ZBTB20: variants seen among roughly 807,000 people sequenced by gnomAD.
The protein encoded by ZBTB20 is zinc finger and BTB domain containing 20.
Under a neutral mutation model 56.9 loss-of-function variants are expected in ZBTB20, and 9 were observed. The ratio of observed to expected loss-of-function variants is 0.16; its 90% CI spans 0.10 to 0.28. The LOEUF (loss-of-function observed/expected upper bound fraction) is 0.28. Ranked by LOEUF, ZBTB20 falls within the 10% of genes least tolerant of loss-of-function variation. The pLI is 1.00. For missense variants in ZBTB20, 655 were observed against 1,003.0 expected (o/e 0.65, Z 4.69); for synonymous variants, 417 against 420.7 (o/e 0.99, Z 0.11).
rs766843554 is a variant in ZBTB20, at chr3:114,316,438, C to T, written c.*22567G>A. 4.3e-6 allele frequency: 2 copies of T among 468,968 alleles called. No homozygotes were observed. The highest frequency in any genetic ancestry group is 2.0e-5 in the African/African-American group (1 of 49,312). The allele number at this position is 468,968 out of a possible 1,614,324, so 29.1% of individuals were successfully genotyped here. On this transcript the variant is annotated 3_prime_UTR_variant, in exon 12 of 12. Coordinates refer to ENST00000675478, the MANE Select transcript of ZBTB20 (RefSeq NM_001348800.3). ...AATGAGCATCTGGATTTGTAATGAG[C>T]ATCTGATTTTGTTATGTGCATGTGT...
chr3:114,994,494 A>G (rs2078948310), intron 2 of ZBTB20, among the ~76,000 whole-genome samples: 1 of 151,974 alleles, frequency 6.6e-6, no homozygotes, highest in African/African-American at 2.4e-5. Context: ...ACTTAGCTTA[A>G]AAGTATGTAA....
chr3:114,616,637 A>G (rs1441823438), intron 6 of ZBTB20, among the ~76,000 whole-genome samples: 1 of 152,184 alleles, frequency 6.6e-6, no homozygotes. Context: ...ATTTTTCCTG[A>G]GAAATGTCCA....
intron 4 of ZBTB20, among the ~76,000 whole-genome samples, chr3:114,832,587 T>G (rs1213248361): frequency 1.3e-5 from 2 of 152,132 alleles, no homozygotes; most frequent in African/African-American, 2.4e-5. Flanking sequence ...CAATGCATTA[T>G]TCTATAAATA....
chr3:115,040,319 C>T (rs1056231232), intron 2 of ZBTB20, among the ~76,000 whole-genome samples: 5 of 151,956 alleles, frequency 3.3e-5, no homozygotes, highest in Admixed American at 6.6e-5. Context: ...AGTAGACACC[C>T]AAAAATAATC....
At chr3:115,068,908 G>A (rs2108504054) in intron 2 of ZBTB20, among the ~76,000 whole-genome samples, 1 of 151,594 alleles carries the variant, frequency 6.6e-6, no homozygotes, top group East Asian at 1.9e-4. Context: ...CAGTTTGATA[G>A]TGCATTCATT....
rs72958292 is a variant in ZBTB20 at position 114,921,048 on chromosome 3, C to T, written c.-455-20706G>A. On this transcript the variant is annotated intron_variant, in intron 3 of 11. Transcript: ENST00000675478. ...AGACTGCATCATAAATAATAAAATT[C>T]GGAACAGATTAATAGCAAGTAAGGA... Among the ~76,000 whole-genome samples the T allele has an allele frequency of 4.5e-3, 691 of 152,122 alleles. 8 individuals are homozygous for T. The highest frequency in any genetic ancestry group is 0.016 in the African/African-American group (666 of 41,478).
chr3:114,738,922 C>G lies in ZBTB20; in HGVS notation c.-342-45347G>C, dbSNP rs191122868. The stretch of plus-strand genomic sequence containing the variant: ...CAGTACTGTCCATAACCAGAAACCA[C>G]ATAAGCTGGATGCTAGACTATTGAC... On this transcript the variant is annotated intron_variant, in intron 5 of 11. Transcript: ENST00000675478. Among the ~76,000 whole-genome samples the G allele has an allele frequency of 8.1e-3, 1,234 of 152,270 alleles. 18 individuals carry two copies. Among genetic ancestry groups the G allele is most frequent in the South Asian group, 0.012 (57 of 4,826 alleles).
intron 1 of ZBTB20, among the ~76,000 whole-genome samples, chr3:115,133,212 A>G (rs1235091477): frequency 6.6e-6 from 1 of 152,136 alleles, no homozygotes; most frequent in African/African-American, 2.4e-5. Context: ...TCTTAGGTCA[A>G]TTTTTATCAT....
At chr3:114,613,591 A>G (rs2057713664) in intron 6 of ZBTB20, among the ~76,000 whole-genome samples, 2 of 152,150 alleles carry the variant, frequency 1.3e-5, no homozygotes, top group Admixed American at 6.5e-5. Context: ...AAGTGATCAT[A>G]TATCAGCTAC....
intron 5 of ZBTB20, among the ~76,000 whole-genome samples, chr3:114,764,462 G>A (rs1316787204): frequency 2.0e-5 from 3 of 152,114 alleles, no homozygotes; most frequent in Non-Finnish European, 1.5e-5. Flanking sequence ...AGCAGCTTGG[G>A]GTGCAGGCCC....
At chr3:114,632,249 C>T (rs1350107471) in intron 6 of ZBTB20, among the ~76,000 whole-genome samples, 1 of 152,224 alleles carries the variant, frequency 6.6e-6, no homozygotes, top group Non-Finnish European at 1.5e-5. Flanking sequence ...TCTCTGCCAG[C>T]TGCAGGTGGT....
rs1489044245 is a variant in ZBTB20, at chr3:114,333,960, A to G, written c.*5045T>C. On this transcript the variant is annotated 3_prime_UTR_variant, in exon 12 of 12. Coordinates refer to ENST00000675478, the MANE Select transcript of ZBTB20 (RefSeq NM_001348800.3). ...CTTCAACTCATTACCAAATTAAAGA[A>G]TTCTTTTAGAAGATTTCTTTTAAGA... is the stretch of plus-strand genomic sequence containing the variant. 6.6e-6 allele frequency: 1 copy of G among 152,160 alleles called. No homozygotes were observed. The highest frequency in any genetic ancestry group is 1.9e-4 in the East Asian group (1 of 5,200). The allele number at this position is 152,160 out of a possible 1,614,324, so 9.4% of individuals were successfully genotyped here. A position where few individuals can be genotyped will look rare whatever the true frequency, so the allele number is the denominator to read the frequency against.
chr3:114,984,480 AG>A (rs1285979329), intron 2 of ZBTB20, among the ~76,000 whole-genome samples: 1 of 151,970 alleles, frequency 6.6e-6, no homozygotes, highest in Non-Finnish European at 1.5e-5. Context: ...CTGCTCCATC[AG>A]GATGCACAAC....
intron 3 of ZBTB20, among the ~76,000 whole-genome samples, chr3:114,943,670 C>T (rs1428669217): frequency 6.9e-6 from 1 of 144,020 alleles, no homozygotes; most frequent in Non-Finnish European, 1.5e-5. Context: ...CAGAATAAAA[C>T]AAAGAGAGAA....
intron 4 of ZBTB20, among the ~76,000 whole-genome samples, chr3:114,867,816 G>C (rs1454833959): frequency 6.6e-6 from 1 of 152,176 alleles, no homozygotes; most frequent in East Asian, 1.9e-4. Context: ...AACAGGTTAG[G>C]TCCCTGAAGT....
At chr3:115,001,713 G>A (rs928649005) in intron 2 of ZBTB20, among the ~76,000 whole-genome samples, 1 of 151,152 alleles carries the variant, frequency 6.6e-6, no homozygotes, top group African/African-American at 2.4e-5. Context: ...CTATTATGAA[G>A]AAAACTACAA....
At chr3:114,893,756 A>G (rs1453405508) in intron 4 of ZBTB20, among the ~76,000 whole-genome samples, 1 of 151,878 alleles carries the variant, frequency 6.6e-6, no homozygotes, top group African/African-American at 2.4e-5. Context: ...AGAGAAAAGG[A>G]GAGTAGAAAG....
chr3:114,352,784 A>G (rs942320160), intron 10 of ZBTB20, among the ~76,000 whole-genome samples: 1 of 152,210 alleles, frequency 6.6e-6, no homozygotes, highest in East Asian at 1.9e-4. Context: ...GGGCACTTTC[A>G]AGAGTGAAAG....
intron 3 of ZBTB20, among the ~76,000 whole-genome samples, chr3:114,913,343 A>G (rs1298086714): frequency 6.6e-6 from 1 of 152,094 alleles, no homozygotes; most frequent in Non-Finnish European, 1.5e-5. Flanking sequence ...AATGATGTTG[A>G]GCACTTTTTC....
Sources: allele counts gnomAD v4.1 joint callset (sites outside exome capture counted in the v4.1 genomes callset), GRCh38; gene constraint gnomAD v4.1.1; transcripts MANE v1.5; gene names NCBI Gene and HGNC (gene_info 2026-07-23, HGNC 2026-07-21).